The following ACSS3 variants were observed in gnomAD, a reference collection of about 807,000 sequenced individuals.
ACSS3 encodes acyl-CoA synthetase short chain family member 3, also known as acyl-CoA synthetase short-chain family member 3, mitochondrial.
In ACSS3, 64 loss-of-function variants were observed where a neutral mutation model predicts 84.2. The ratio of observed to expected loss-of-function variants is 0.76; its 90% CI spans 0.62 to 0.94. ACSS3 has a LOEUF of 0.94. ACSS3 is among the 40% of genes least tolerant of loss of function. The probability of loss-of-function intolerance (pLI) is 0.00; values close to 1 mark genes in which losing one functional copy is unlikely to be tolerated. For missense variants in ACSS3, 815 were observed against 867.6 expected, an observed-to-expected ratio of 0.94 and a Z score of 0.76; for synonymous variants, 317 against 310.1, an observed-to-expected ratio of 1.02 and a Z score of -0.23.
At chr12:81,089,625 C>T (rs1881544185) in intron 1 of ACSS3, among the ~76,000 whole-genome samples, 1 of 151,860 alleles carries the variant, frequency 6.6e-6, no homozygotes, top group Non-Finnish European at 1.5e-5. Flanking sequence ...GAGAAGGAAA[C>T]TAACATGTGA....
At position 81,151,918 on chromosome 12, in the gene ACSS3, C is replaced by T. The variant is rs559298551; in HGVS notation, c.996C>T (p.Pro332=). Residue 332 remains proline (P), a synonymous_variant, in exon 6 of 16, where the codon CCC becomes CCT. Coordinates refer to ENST00000548058, the MANE Select transcript of ACSS3 (RefSeq NM_024560.4). ...WSMSSIYGLQ[P]GEVWWAASDL... ...TGTCTTCCATATACGGACTTCAACCCGGAGAGGTAATCGTGGTTTTAAATT... is the reference window on the plus strand; with the variant it reads ...TGTCTTCCATATACGGACTTCAACCTGGAGAGGTAATCGTGGTTTTAAATT... 1.0e-4 allele frequency: 169 copies of T among 1,613,724 alleles called. No homozygotes were observed. The highest frequency in any genetic ancestry group is 1.7e-4 in the Middle Eastern group (1 of 6,056).
chr12:81,130,809 G>A (rs571187134), intron 2 of ACSS3, among the ~76,000 whole-genome samples: 8 of 152,230 alleles, frequency 5.3e-5, no homozygotes, highest in Non-Finnish European at 1.2e-4. Context: ...TTTGTATAAC[G>A]TGTAAGGAAG....
chr12:81,126,550 T>C (rs1311564808), intron 2 of ACSS3, among the ~76,000 whole-genome samples: 1 of 150,758 alleles, frequency 6.6e-6, no homozygotes, highest in Non-Finnish European at 1.5e-5. Context: ...TGAATTCTGA[T>C]GATTTTCTTG....
In ACSS3 at chr12:81,248,307, C is replaced by T. The variant is rs562768365; in HGVS notation, c.1720-5000C>T. On this transcript the variant is annotated intron_variant, in intron 13 of 15. Coordinates refer to ENST00000548058, the MANE Select transcript of ACSS3 (RefSeq NM_024560.4). ...AGCAAAGATATAGAATCAACCTAAG[C>T]GATCATCAACAGATGAATGAAGAAA... is the stretch of plus-strand genomic sequence containing the variant. 1.6e-3 allele frequency among the ~76,000 whole-genome samples: 239 copies of T among 151,976 alleles called. 1 individual carries two copies. Among genetic ancestry groups the T allele is most frequent in the African/African-American group, 5.4e-3 (222 of 41,486 alleles).
In ACSS3 at chr12:81,258,554, A is replaced by G. The variant is rs1271299754; in HGVS notation, c.*3632A>G. 1 of 152,188 alleles carries G rather than the reference A, an allele frequency of 6.6e-6. No homozygotes were observed. The highest frequency in any genetic ancestry group is 1.5e-5 in the Non-Finnish European group (1 of 68,032). The allele number at this position is 152,188 out of a possible 1,614,324, so 9.4% of individuals were successfully genotyped here. Reference sequence around the variant, plus strand: ...ACACCACCAAATAAAGCCACAGGGAAGAGATTACTCTTCTATACTTTTATA... The same window carrying G: ...ACACCACCAAATAAAGCCACAGGGAGGAGATTACTCTTCTATACTTTTATA... On this transcript the variant is annotated 3_prime_UTR_variant, in exon 16 of 16. Coordinates refer to ENST00000548058, the MANE Select transcript of ACSS3 (RefSeq NM_024560.4).
At chr12:81,189,525 T>G (rs1333570202) in intron 8 of ACSS3, among the ~76,000 whole-genome samples, 1 of 152,162 alleles carries the variant, frequency 6.6e-6, no homozygotes, top group Non-Finnish European at 1.5e-5. Context: ...AACATGCTTA[T>G]TCAAGTCTTT....
At chr12:81,235,041 A>G (rs1250343360) in intron 13 of ACSS3, among the ~76,000 whole-genome samples, 1 of 151,020 alleles carries the variant, frequency 6.6e-6, no homozygotes, top group African/African-American at 2.4e-5. Flanking sequence ...TATGTTTTAT[A>G]TTCAGTTTTA....
intron 8 of ACSS3, among the ~76,000 whole-genome samples, chr12:81,189,232 G>A (rs1170444455): frequency 1.3e-5 from 2 of 152,074 alleles, no homozygotes; most frequent in Admixed American, 6.6e-5. Flanking sequence ...TAGTGCTGTT[G>A]AGCATATATA....
Position 81,152,110 on chromosome 12 carries a change from G to T in ACSS3, c.1098+14G>T, listed in dbSNP as rs781721197. Reference sequence around the variant, plus strand: ...GTTTTATATGAGGTAATAAAGTAAAGTTAATACCACATATAAATGATATTT... The same window carrying T: ...GTTTTATATGAGGTAATAAAGTAAATTTAATACCACATATAAATGATATTT... On this transcript the variant is annotated intron_variant, in intron 7 of 15. Coordinates refer to ENST00000548058, the MANE Select transcript of ACSS3 (RefSeq NM_024560.4). 14 of 1,574,828 alleles carry T rather than the reference G, an allele frequency of 8.9e-6. No homozygotes were observed. Among genetic ancestry groups the T allele is most frequent in the Non-Finnish European group, 1.2e-5 (14 of 1,148,846 alleles).
At chr12:81,117,771 G>T (rs1884170779) in intron 2 of ACSS3, among the ~76,000 whole-genome samples, 1 of 152,128 alleles carries the variant, frequency 6.6e-6, no homozygotes, top group Non-Finnish European at 1.5e-5. Flanking sequence ...GATGACAAAT[G>T]AATCGGCACC....
At position 81,125,713 on chromosome 12, in the gene ACSS3, T is replaced by C. The variant is rs541094560; in HGVS notation, c.457-9103T>C. On this transcript the variant is annotated intron_variant, in intron 2 of 15. Transcript: ENST00000548058. ...GCAACGCTGGCTATTCTCAGTTCTG[T>C]GTCATCAGCCCACATCTCTCTTCTG... The C allele has an allele frequency of 3.9e-5, 6 of 152,318 alleles. No individual in the cohort carries two copies. The East Asian group carries it at 9.7e-4, about 25-fold the overall frequency. 9.4% of individuals were successfully genotyped at this position (152,318 alleles called of 1,614,324 possible).
chr12:81,226,914 G>A (rs2033291527), intron 11 of ACSS3, among the ~76,000 whole-genome samples: 1 of 151,542 alleles, frequency 6.6e-6, no homozygotes, highest in East Asian at 2.0e-4. Flanking sequence ...GCTTTAACAT[G>A]TCCCATTGTA....
At chr12:81,170,432 G>A (rs1205865457) in intron 7 of ACSS3, among the ~76,000 whole-genome samples, 1 of 152,090 alleles carries the variant, frequency 6.6e-6, no homozygotes, top group Non-Finnish European at 1.5e-5. Flanking sequence ...AGCAATTGAT[G>A]TTTTATAAAT....
intron 5 of ACSS3, among the ~76,000 whole-genome samples, chr12:81,147,775 A>G (rs1158522490): frequency 6.6e-6 from 1 of 151,838 alleles, no homozygotes; most frequent in African/African-American, 2.4e-5. Flanking sequence ...TTTTTCTCTG[A>G]CGCCTGCCAT....
intron 7 of ACSS3, among the ~76,000 whole-genome samples, chr12:81,154,809 G>A (rs1886781889): frequency 6.6e-6 from 1 of 152,116 alleles, no homozygotes; most frequent in Non-Finnish European, 1.5e-5. Flanking sequence ...CATTCCTTTA[G>A]GTGATCCTTT....
At chr12:81,104,651 G>A (rs1882820801) in intron 1 of ACSS3, 1 of 151,924 alleles carries the variant, frequency 6.6e-6, no homozygotes, top group African/African-American at 2.4e-5. Flanking sequence ...TTTCATCTAG[G>A]ATGAAAGGTT....
chr12:81,134,999 G>A lies in ACSS3; in HGVS notation c.640G>A (p.Val214Ile). The change falls in exon 3 of 16, where the codon GTA becomes ATA. Residue 214 changes from valine to isoleucine, a missense_variant. Transcript: ENST00000548058. Reference protein sequence around the residue: ...SKELSSRIDHVKPKVVVTASF... With the variant: ...SKELSSRIDHIKPKVVVTASF... ...AGAACTAAGTAGTCGCATTGATCAT[G>A]TAAAGGTAAGTGCTTTATTTTGGGA... 1.3e-6 allele frequency: 2 copies of A among 1,591,592 alleles called. No homozygotes were observed. The highest frequency in any genetic ancestry group is 2.3e-5 in the East Asian group (1 of 44,286).
chr12:81,194,256 G>C (rs1250357324), intron 8 of ACSS3, among the ~76,000 whole-genome samples: 2 of 151,418 alleles, frequency 1.3e-5, no homozygotes, highest in Non-Finnish European at 3.0e-5. Context: ...AATTATATTT[G>C]ATTAAATATT....
intron 2 of ACSS3, among the ~76,000 whole-genome samples, chr12:81,111,018 C>G (rs1215823277): frequency 6.6e-6 from 1 of 152,116 alleles, no homozygotes; most frequent in East Asian, 1.9e-4. Flanking sequence ...TAAAGGATCG[C>G]CTTTCCAGTC....
Sources: gnomAD v4.1 joint callset for allele counts (sites outside exome capture counted in the v4.1 genomes callset) on GRCh38, gnomAD v4.1.1 for gene constraint, MANE v1.5 for transcripts, NCBI Gene and HGNC (gene_info 2026-07-23, HGNC 2026-07-21) for gene names.